Variants in SGF29 observed in about 807,000 individuals in gnomAD.
SGF29 encodes the protein SAGA-associated factor 29.
SGF29 carries 15 observed loss-of-function variants against 38.1 expected under a neutral mutation model. That is an observed-to-expected ratio of 0.39 (90% CI 0.26 to 0.61). SGF29 has a LOEUF of 0.61. Among genes scored for constraint, SGF29 ranks in the 20% least tolerant of loss-of-function variants. The pLI, the probability that SGF29 is intolerant of heterozygous loss-of-function variation, is 0.49. For missense variants in SGF29, 184 were observed against 394.6 expected (o/e 0.47, Z 4.52); for synonymous variants, 151 against 160.8 (o/e 0.94, Z 0.46).
chr16:28,573,380 C>T (rs1167702800), intron 1 of SGF29, among the ~76,000 whole-genome samples: 3 of 152,112 alleles, frequency 2.0e-5, no homozygotes, highest in East Asian at 1.9e-4. Context: ...AGGGCCCTCA[C>T]GCTTCCCCTG....
intron 1 of SGF29, among the ~76,000 whole-genome samples, chr16:28,556,136 C>A (rs1470355291): frequency 6.6e-6 from 1 of 152,110 alleles, no homozygotes; most frequent in Non-Finnish European, 1.5e-5. Context: ...TTCTTAATGT[C>A]TCTTTAACCA....
chr16:28,559,094 A>C (rs1443521080), intron 1 of SGF29, among the ~76,000 whole-genome samples: 4 of 152,162 alleles, frequency 2.6e-5, no homozygotes, highest in Non-Finnish European at 5.9e-5. Context: ...CTGAAGCAGG[A>C]AGATTGCTTG....
intron 1 of SGF29, among the ~76,000 whole-genome samples, chr16:28,564,616 C>CGT (rs2046815333): frequency 1.8e-5 from 2 of 108,314 alleles, no homozygotes; most frequent in Non-Finnish European, 1.9e-5. Context: ...TATATATATA[C>CGT]ATATATGCAT....
At position 28,590,875 on chromosome 16, in the gene SGF29, G is replaced by A; in HGVS notation, c.705G>A (p.Leu235=). ...TGTTCCAGAAGGAGCAGCTCGTGCT[G>A]GCCCTGTATCCCCAGACTACCTGCT... The part of the protein sequence containing the change: ...EALFQKEQLV[L]ALYPQTTCFY... The change falls in exon 9 of 10, where the codon CTG becomes CTA. Residue 235 remains leucine, a synonymous_variant. Transcript: ENST00000317058. This position sits in a 1 kb window ranked among gnomAD's most constrained non-coding sequence, Gnocchi z 8.2. 3 of 1,613,790 alleles carry A rather than the reference G, an allele frequency of 1.9e-6. No individual in the cohort carries two copies. In the African/African-American group the frequency reaches 4.0e-5, roughly 22 times the overall value.
At chr16:28,580,734 G>A (rs1040954115) in intron 1 of SGF29, among the ~76,000 whole-genome samples, 9 of 152,170 alleles carry the variant, frequency 5.9e-5, no homozygotes, top group Non-Finnish European at 1.0e-4. Flanking sequence ...GTAGGCTGGA[G>A]TGCAATGGCA....
chr16:28,581,089 A>AT lies in SGF29; in HGVS notation c.22dup (p.Ser8PhefsTer36). 6.2e-7 allele frequency: 1 copy of AT among 1,613,972 alleles called. No individual in the cohort carries two copies. Among genetic ancestry groups the AT allele is most frequent in the Non-Finnish European group, 8.5e-7 (1 of 1,179,988 alleles). On this transcript the variant is annotated frameshift_variant, in exon 2 of 10. Coordinates refer to ENST00000317058, the MANE Select transcript of SGF29 (RefSeq NM_138414.3). LOFTEE classifies it high-confidence loss of function. ...TAGACAATGGCCCTCGTGTCTGCCG[A>AT]TTCCCGCATTGCAGAACTTCTCACA...
intron 1 of SGF29, among the ~76,000 whole-genome samples, chr16:28,575,307 CAG>C (rs2046886237): frequency 6.6e-6 from 1 of 152,200 alleles, no homozygotes; most frequent in Non-Finnish European, 1.5e-5. Flanking sequence ...TGGGACAACA[CAG>C]ATCAATATCA....
intron 2 of SGF29, 118 bp from the exon 3 acceptor site, chr16:28,584,795 A>AC: frequency 1.6e-6 from 1 of 640,678 alleles, no homozygotes; most frequent in Non-Finnish European, 2.6e-6. Context: ...TCTCAAAAAA[A>AC]AAAAAAAAAA....
Position 28,564,687 on chromosome 16 carries a change from G to A in SGF29, c.-16+10590G>A, listed in dbSNP as rs372892685. On this transcript the variant is annotated intron_variant, in intron 1 of 9. Transcript: ENST00000317058. The stretch of plus-strand genomic sequence containing the variant: ...TATGCATATATATGTATATATATGT[G>A]TATATATATGTATATATATACATAT... Among the ~76,000 whole-genome samples, 242 of 46,956 alleles carry A rather than the reference G, an allele frequency of 5.2e-3. 7 individuals are homozygous for A. Among genetic ancestry groups the A allele is most frequent in the African/African-American group, 9.2e-3 (143 of 15,608 alleles). The allele number at this position is 46,956 out of a possible 152,430, so 30.8% of individuals were successfully genotyped here. A position where few individuals can be genotyped will look rare whatever the true frequency, so the allele number is the denominator to read the frequency against.
At chr16:28,586,768 C>T (rs1003429981) in intron 4 of SGF29, among the ~76,000 whole-genome samples, 9 of 152,158 alleles carry the variant, frequency 5.9e-5, no homozygotes, top group Admixed American at 3.3e-4. Context: ...TCATATTAGA[C>T]GGCACAGGAT....
At position 28,590,371 on chromosome 16, in the gene SGF29, G is replaced by C. The variant is rs763618616; in HGVS notation, c.495G>C (p.Arg165=). Residue 165 remains arginine (R), a synonymous_variant, in exon 7 of 10, where the codon CGG becomes CGC. Coordinates refer to ENST00000317058, the MANE Select transcript of SGF29 (RefSeq NM_138414.3). This position sits in a 1 kb window ranked among gnomAD's most constrained non-coding sequence, Gnocchi z 8.2. ...GACCTGGAGACAAGGTGGCTGCCCGGGTGAAGGCCGTGGATGGGGACGAGC... is the reference window on the plus strand; with the variant it reads ...GACCTGGAGACAAGGTGGCTGCCCGCGTGAAGGCCGTGGATGGGGACGAGC... ...VARPGDKVAA[R]VKAVDGDEQW... The C allele has an allele frequency of 6.8e-6, 11 of 1,613,750 alleles. No individual in the cohort carries two copies. Among genetic ancestry groups the C allele is most frequent in the Non-Finnish European group, 9.3e-6 (11 of 1,179,828 alleles).
At position 28,590,019 on chromosome 16, in the gene SGF29, A is replaced by G. The variant is rs558715483; in HGVS notation, c.290-77A>G. On this transcript the variant is annotated intron_variant, in intron 5 of 9. Transcript: ENST00000317058. This position sits in a 1 kb window ranked among gnomAD's most constrained non-coding sequence, Gnocchi z 8.2. Reference sequence around the variant, plus strand: ...CTGGGGGCTCCCAGGTGCTCCTTCAACAGCTCAGTGCAGCATGCTCGGGGG... The same window carrying G: ...CTGGGGGCTCCCAGGTGCTCCTTCAGCAGCTCAGTGCAGCATGCTCGGGGG... 2.1e-5 allele frequency: 32 copies of G among 1,515,786 alleles called. No homozygotes were observed. The highest frequency in any genetic ancestry group is 1.1e-4 in the African/African-American group (8 of 72,800). The allele number at this position is 1,515,786 out of a possible 1,614,324, so 93.9% of individuals were successfully genotyped here. A position where few individuals can be genotyped will look rare whatever the true frequency, so the allele number is the denominator to read the frequency against.
intron 1 of SGF29, among the ~76,000 whole-genome samples, chr16:28,571,423 G>A (rs1435222137): frequency 4.0e-5 from 6 of 151,770 alleles, no homozygotes; most frequent in African/African-American, 9.7e-5. Flanking sequence ...GCAAAACCCC[G>A]TCTCTACTAA....
Position 28,591,674 on chromosome 16 carries a change from G to GT in SGF29, c.851dup (p.Val285GlyfsTer4). On this transcript the variant is annotated frameshift_variant, in exon 10 of 10. Transcript: ENST00000317058. LOFTEE classifies it high-confidence loss of function. ...TCCCCTCAATGTGGCTCAGAGATAC[G>GT]TGGTGGCTTGTAAGGAACCCAAGAA... The GT allele has an allele frequency of 6.2e-7, 1 of 1,613,956 alleles. No homozygotes were observed. Among genetic ancestry groups the GT allele is most frequent in the Non-Finnish European group, 8.5e-7 (1 of 1,179,856 alleles).
chr16:28,559,220 T>C (rs2046771059), intron 1 of SGF29, among the ~76,000 whole-genome samples: 2 of 152,048 alleles, frequency 1.3e-5, no homozygotes, highest in African/African-American at 2.4e-5. Context: ...CTTGGGAGGC[T>C]GGGGCAGGAG....
intron 1 of SGF29, among the ~76,000 whole-genome samples, chr16:28,573,167 G>A (rs2046874478): frequency 6.6e-6 from 1 of 152,046 alleles, no homozygotes; most frequent in Non-Finnish European, 1.5e-5. Context: ...TTCTTTTGAC[G>A]GATGTACAGA....
intron 4 of SGF29, among the ~76,000 whole-genome samples, chr16:28,587,152 G>A (rs183564688): frequency 6.6e-5 from 10 of 152,266 alleles, no homozygotes; most frequent in Admixed American, 4.6e-4. Context: ...GGCCTCCATT[G>A]CATAATTAAT....
intron 2 of SGF29, among the ~76,000 whole-genome samples, chr16:28,584,259 G>C (rs1044655915): frequency 2.0e-5 from 3 of 151,980 alleles, no homozygotes; most frequent in Non-Finnish European, 4.4e-5. Context: ...CCAAAGTGCT[G>C]GGATTACAGG....
At chr16:28,581,195 T>C (rs2046923773) in intron 2 of SGF29, 51 bp downstream of exon 2, 1 of 1,552,798 alleles carries the variant, frequency 6.4e-7, no homozygotes, top group Non-Finnish European at 8.9e-7. Context: ...GCTTTGATGC[T>C]GAGCCGTGAA....
Sources: gnomAD v4.1 joint callset for allele counts (sites outside exome capture counted in the v4.1 genomes callset) on GRCh38, gnomAD v4.1.1 for gene constraint, Gnocchi (gnomAD v3.1) non-coding constraint, MANE v1.5 for transcripts, NCBI Gene and HGNC (gene_info 2026-07-23, HGNC 2026-07-21) for gene names.